Variants in MRPL34 observed in about 807,000 individuals in gnomAD.
MRPL34 encodes large ribosomal subunit protein bL34m.
In MRPL34, 8 loss-of-function variants were observed where a neutral mutation model predicts 6.7. That is an observed-to-expected ratio of 1.20 (90% CI 0.70 to 2.16). The LOEUF (loss-of-function observed/expected upper bound fraction) is 2.16, where lower values mean the gene tolerates loss of function less well. MRPL34 is among the 30% of genes most tolerant of loss of function. The pLI is 0.00. For synonymous variants in MRPL34, 59 were observed against 55.1 expected (o/e 1.07, Z -0.31); for missense variants, 146 against 125.5 (o/e 1.16, Z -0.78).
At chr19:17,300,277 T>C (rs1599525169), upstream of MRPL34, among the ~76,000 whole-genome samples, 3 of 147,146 alleles carry the variant, frequency 2.0e-5, no homozygotes, top group African/African-American at 7.6e-5. Context: ...GTGATCACAG[T>C]TCACTGCAGC....
At chr19:17,301,689 G>A (rs1010885468), upstream of MRPL34, 2 of 1,449,076 alleles carry the variant, frequency 1.4e-6, no homozygotes, top group African/African-American at 1.4e-5. Context: ...CGTGCAGCAG[G>A]CACTCCCTGA....
At chr19:17,294,291 G>A in intron 1 of MRPL34, 4 of 1,601,988 alleles carry the variant, frequency 2.5e-6, no homozygotes, top group South Asian at 1.1e-5. Flanking sequence ...CCTCTACCTC[G>A]GCCATGCGCT....
upstream of MRPL34, chr19:17,301,213 C>T: frequency 6.3e-7 from 1 of 1,595,314 alleles, no homozygotes; most frequent in Non-Finnish European, 8.5e-7. Flanking sequence ...GCTGCCTGCG[C>T]TGCCGGGGGC....
intron 1 of MRPL34, among the ~76,000 whole-genome samples, chr19:17,295,324 C>T (rs1425499345): frequency 3.3e-5 from 5 of 151,990 alleles, no homozygotes; most frequent in African/African-American, 9.7e-5. Context: ...TCGGGCTGGT[C>T]TCAAATTCCT....
chr19:17,299,560 CAAA>C (rs567760409), upstream of MRPL34, among the ~76,000 whole-genome samples: 1 of 51,498 alleles, frequency 1.9e-5, no homozygotes. Flanking sequence ...GACTCCATCT[CAAA>C]AAAAAAAAAA....
upstream of MRPL34, chr19:17,301,547 G>C: frequency 6.2e-7 from 1 of 1,608,664 alleles, no homozygotes; most frequent in Non-Finnish European, 8.5e-7. Context: ...ACGCTCTCCA[G>C]TGGCCCCACG....
At chr19:17,305,514 C>T (rs2145665435), upstream of MRPL34, among the ~76,000 whole-genome samples, 1 of 152,292 alleles carries the variant, frequency 6.6e-6, no homozygotes, top group South Asian at 2.1e-4. Context: ...GCGGGAAGAC[C>T]AACCAGCCGC....
upstream of MRPL34, chr19:17,298,423 A>G (rs1273132239): frequency 6.6e-6 from 1 of 152,142 alleles, no homozygotes; most frequent in Non-Finnish European, 1.5e-5. Flanking sequence ...GGAGTGAATT[A>G]CAGTAACCCA....
In MRPL34 at chr19:17,306,329, C is replaced by G; in HGVS notation, c.229C>G (p.Gln77Glu). ...GCGCCTGAGCACGCCGGCCGGCGTG[C>G]AGGTCATCCTTCGCCGAATGCTCAA... ...VRRLSTPAGV[Q>E]VILRRMLKGR... The change falls in exon 2 of 2, where the codon CAG becomes GAG. Residue 77 changes from glutamine to glutamate, a missense_variant. By Grantham distance (29) the Gln-to-Glu change is conservative. Coordinates refer to ENST00000252602, the MANE Select transcript of MRPL34 (RefSeq NM_023937.4). 6.2e-7 allele frequency: 1 copy of G among 1,610,116 alleles called. No individual in the cohort carries two copies. The highest frequency in any genetic ancestry group is 8.5e-7 in the Non-Finnish European group (1 of 1,179,232).
rs1475625392 is a variant in MRPL34 at position 17,305,924 on chromosome 19, C to T, written c.32C>T (p.Pro11Leu). MAVLAGSLLG[P>L]TSRSAALLGG... ...GTCTTGGCTGGATCCCTGTTGGGCC[C>T]CACGAGTAGGTCGGCAGCGTTGCTG... The change falls in exon 1 of 2, where the codon CCC becomes CTC. Residue 11 changes from proline (P) to leucine (L), a missense_variant. By Grantham distance (98) the Pro-to-Leu change is moderately conservative. Coordinates refer to ENST00000252602, the MANE Select transcript of MRPL34 (RefSeq NM_023937.4). The T allele has an allele frequency of 6.2e-7, 1 of 1,614,118 alleles. No individual in the cohort carries two copies. The highest frequency in any genetic ancestry group is 2.2e-5 in the East Asian group (1 of 44,866).
chr19:17,305,198 G>A (rs1377431185), upstream of MRPL34, among the ~76,000 whole-genome samples: 1 of 151,370 alleles, frequency 6.6e-6, no homozygotes, highest in African/African-American at 2.4e-5. Context: ...TAGTGTGTGA[G>A]TAGGGGAGGG....
upstream of MRPL34, chr19:17,301,243 G>A (rs751059861): frequency 6.3e-6 from 10 of 1,593,956 alleles, no homozygotes; most frequent in African/African-American, 6.7e-5. Context: ...ATCGCTGCCC[G>A]CCGGATCTGC....
At chr19:17,292,980 G>A in intron 1 of MRPL34, 1 of 859,384 alleles carries the variant, frequency 1.2e-6, no homozygotes, top group Non-Finnish European at 1.7e-6. Context: ...CCACTCAAGG[G>A]GGAGCTGGAG....
upstream of MRPL34, among the ~76,000 whole-genome samples, chr19:17,305,411 C>A (rs538911142): frequency 6.6e-6 from 1 of 152,324 alleles, no homozygotes; most frequent in South Asian, 2.1e-4. Flanking sequence ...TGAACTCAGG[C>A]CTCCTCGGCT....
upstream of MRPL34, chr19:17,305,609 C>T (rs114725919): frequency 1.1e-3 from 527 of 477,838 alleles, 2 homozygotes; most frequent in African/African-American, 8.2e-3. Context: ...GCTCAGCTGC[C>T]AGCTGACCGC....
chr19:17,294,209 G>T (rs781444104), intron 1 of MRPL34: 571 of 1,495,636 alleles, frequency 3.8e-4, no homozygotes, highest in Non-Finnish European at 4.3e-4. Flanking sequence ...GCGCTACCAC[G>T]CCCCCCGCAG....
chr19:17,295,130 G>T (rs1205834066), intron 1 of MRPL34, among the ~76,000 whole-genome samples: 20 of 118,628 alleles, frequency 1.7e-4, no homozygotes, highest in Admixed American at 1.3e-3. Flanking sequence ...ACGGAGTCTC[G>T]CTCTGTCGCC....
At chr19:17,292,727 C>G in exon 1 of MRPL34, 1 of 1,613,764 alleles carries the variant, frequency 6.2e-7, no homozygotes, top group South Asian at 1.1e-5. Flanking sequence ...GCTCGGGCTC[C>G]CAGAGCAGGA....
At chr19:17,301,120 A>G, upstream of MRPL34, 1 of 1,613,100 alleles carries the variant, frequency 6.2e-7, no homozygotes, top group Admixed American at 1.7e-5. Context: ...GCAGCTAGTG[A>G]TGCGCTTCTC....
Sources: gnomAD v4.1 joint callset for allele counts (sites outside exome capture counted in the v4.1 genomes callset) on GRCh38, gnomAD v4.1.1 for gene constraint, MANE v1.5 for transcripts, NCBI Gene and HGNC (gene_info 2026-07-23, HGNC 2026-07-21) for gene names.